Variants in NPAS3 observed in about 807,000 individuals in gnomAD.
The protein encoded by NPAS3 is neuronal PAS domain protein 3.
Under a neutral mutation model 73.1 loss-of-function variants are expected in NPAS3, and 14 were observed. The observed-to-expected ratio is 0.19, with a 90% CI of 0.13 to 0.30. NPAS3 has a LOEUF of 0.30. Ranked by LOEUF, NPAS3 falls within the 10% of genes least tolerant of loss-of-function variation. The probability of loss-of-function intolerance (pLI) is 1.00; values close to 1 mark genes in which losing one functional copy is unlikely to be tolerated. For synonymous variants in NPAS3, 620 were observed against 541.5 expected (o/e 1.14, Z -2.01); for missense variants, 1,096 against 1,250.0 (o/e 0.88, Z 1.86).
intron 2 of NPAS3, among the ~76,000 whole-genome samples, chr14:33,060,259 G>GTTAA (rs2041047851): frequency 6.6e-6 from 1 of 152,190 alleles, no homozygotes; most frequent in Admixed American, 6.5e-5. Context: ...CAGCCATATA[G>GTTAA]TTGGACACTG....
chr14:33,777,583 G>A (rs1490699826), intron 8 of NPAS3, among the ~76,000 whole-genome samples: 2 of 151,384 alleles, frequency 1.3e-5, no homozygotes, highest in East Asian at 1.9e-4. Flanking sequence ...CACATGAAGA[G>A]TAAAGAGAAT....
intron 5 of NPAS3, among the ~76,000 whole-genome samples, chr14:33,655,789 C>G (rs1389064542): frequency 6.6e-6 from 1 of 152,010 alleles, no homozygotes; most frequent in Non-Finnish European, 1.5e-5. Flanking sequence ...ACTTGTACCC[C>G]CTCATATCTC....
chr14:32,949,971 A>G (rs2036417250), intron 1 of NPAS3, among the ~76,000 whole-genome samples: 1 of 152,030 alleles, frequency 6.6e-6, no homozygotes, highest in African/African-American at 2.4e-5. Flanking sequence ...TTTATTATAC[A>G]CCAAAGTATA....
At chr14:33,216,533 G>C (rs2047230866) in intron 3 of NPAS3, among the ~76,000 whole-genome samples, 1 of 152,174 alleles carries the variant, frequency 6.6e-6, no homozygotes, top group African/African-American at 2.4e-5. Flanking sequence ...GGTGGAAAAT[G>C]ATAATTTAAA....
intron 2 of NPAS3, among the ~76,000 whole-genome samples, chr14:33,073,323 C>A (rs2041548416): frequency 6.6e-6 from 1 of 152,154 alleles, no homozygotes; most frequent in Non-Finnish European, 1.5e-5. Context: ...CTACTAAGTT[C>A]CAGTTCCTAT....
intron 8 of NPAS3, among the ~76,000 whole-genome samples, chr14:33,774,975 A>T (rs1394560768): frequency 6.6e-6 from 1 of 152,216 alleles, no homozygotes; most frequent in African/African-American, 2.4e-5. Flanking sequence ...CAGAGGAAAA[A>T]GGATGAAAAA....
chr14:33,539,155 T>G (rs2054392019), intron 4 of NPAS3, among the ~76,000 whole-genome samples: 1 of 152,000 alleles, frequency 6.6e-6, no homozygotes, highest in Non-Finnish European at 1.5e-5. Flanking sequence ...GTCTCAACAT[T>G]GCGGTGTGCA....
exon 12 of NPAS3, chr14:33,799,889 A>G: frequency 6.2e-7 from 1 of 1,614,208 alleles, no homozygotes; most frequent in Non-Finnish European, 8.5e-7. Flanking sequence ...CAGCCGCGAC[A>G]GCGACGACAG....
chr14:33,240,620 A>G (rs1184127034), intron 3 of NPAS3, among the ~76,000 whole-genome samples: 1 of 151,524 alleles, frequency 6.6e-6, no homozygotes, highest in Non-Finnish European at 1.5e-5. Context: ...GGAGAAGCCA[A>G]AGGAACATTT....
At chr14:33,177,410 A>G (rs2045633619) in intron 2 of NPAS3, among the ~76,000 whole-genome samples, 1 of 152,096 alleles carries the variant, frequency 6.6e-6, no homozygotes, top group African/African-American at 2.4e-5. Context: ...TATGCTCAAT[A>G]TTATAGTCTT....
In NPAS3 at chr14:33,472,829, GA is replaced by G. The variant is rs1050635035; in HGVS notation, c.469-87283del. Among the ~76,000 whole-genome samples, 10 of 147,270 alleles carry G rather than the reference GA, an allele frequency of 6.8e-5. 1 individual carries two copies. Among genetic ancestry groups the G allele is most frequent in the African/African-American group, 1.8e-4 (7 of 38,922 alleles). On this transcript the variant is annotated intron_variant, in intron 4 of 11. Transcript: ENST00000356141. ...GAAGTCAAAAAATGTGTGCAAAGCAGAAAAAAAAAGACATTTATTATTGATA... is the reference window on the plus strand; with the variant it reads ...GAAGTCAAAAAATGTGTGCAAAGCAGAAAAAAAAGACATTTATTATTGATA...
chr14:33,561,368 A>C (rs2055641404), intron 5 of NPAS3, among the ~76,000 whole-genome samples: 1 of 152,228 alleles, frequency 6.6e-6, no homozygotes, highest in African/African-American at 2.4e-5. Context: ...GAGGAGAAAC[A>C]CTGCCAAATT....
chr14:33,508,309 T>C (rs923268335), intron 4 of NPAS3, among the ~76,000 whole-genome samples: 3 of 152,024 alleles, frequency 2.0e-5, no homozygotes, highest in Non-Finnish European at 4.4e-5. Flanking sequence ...AAATCACGCC[T>C]TCCAGATGCA....
chr14:33,112,997 G>T, intron 2 of NPAS3, among the ~76,000 whole-genome samples: 1 of 152,116 alleles, frequency 6.6e-6, no homozygotes, highest in Non-Finnish European at 1.5e-5. Context: ...CATTATTTCT[G>T]AGGGCTCTGT....
chr14:33,336,451 AC>A (rs1248027623), intron 3 of NPAS3, among the ~76,000 whole-genome samples: 5 of 152,132 alleles, frequency 3.3e-5, no homozygotes, highest in Non-Finnish European at 2.9e-5. Flanking sequence ...TCTACAGGCC[AC>A]CCTAGAGGGG....
intron 1 of NPAS3, among the ~76,000 whole-genome samples, chr14:33,015,966 T>G (rs1344696690): frequency 6.6e-6 from 1 of 152,198 alleles, no homozygotes; most frequent in Non-Finnish European, 1.5e-5. Flanking sequence ...GAGTAGTTTT[T>G]GGCTACTTTT....
chr14:33,294,621 A>G (rs1171366120), intron 3 of NPAS3, among the ~76,000 whole-genome samples: 1 of 152,228 alleles, frequency 6.6e-6, no homozygotes. Context: ...TGTGATCAGC[A>G]TGTATTTAAT....
intron 6 of NPAS3, among the ~76,000 whole-genome samples, chr14:33,711,151 C>T (rs2060807497): frequency 6.6e-6 from 1 of 152,086 alleles, no homozygotes; most frequent in African/African-American, 2.4e-5. Flanking sequence ...ATAAAACTTT[C>T]CTGATTATCT....
At chr14:33,753,682 G>C (rs1234288762) in intron 7 of NPAS3, among the ~76,000 whole-genome samples, 2 of 152,146 alleles carry the variant, frequency 1.3e-5, no homozygotes, top group African/African-American at 2.4e-5. Context: ...AAAATCTACA[G>C]GTTCCTTGAT....
Sources: allele counts gnomAD v4.1 joint callset (sites outside exome capture counted in the v4.1 genomes callset), GRCh38; gene constraint gnomAD v4.1.1; transcripts MANE v1.5; gene names NCBI Gene and HGNC (gene_info 2026-07-23, HGNC 2026-07-21).